Variants in TIMM17A observed in about 807,000 individuals in gnomAD.
TIMM17A encodes mitochondrial import inner membrane translocase subunit Tim17-A.
A neutral mutation model predicts 26.5 loss-of-function variants in TIMM17A; 15 were observed. The observed-to-expected ratio is 0.57, with a 90% CI of 0.38 to 0.87. The LOEUF (loss-of-function observed/expected upper bound fraction) is 0.87. TIMM17A is among the 40% of genes least tolerant of loss of function. TIMM17A has a pLI of 0.00. For synonymous variants in TIMM17A, 80 were observed against 70.8 expected (o/e 1.13, Z -0.66); for missense variants, 201 against 210.0 (o/e 0.96, Z 0.27).
Position 201,964,635 on chromosome 1 carries a change from C to CTTTTTT in TIMM17A, c.320-772_320-767dup, listed in dbSNP as rs570309464. On this transcript the variant is annotated intron_variant, in intron 4 of 5. Coordinates refer to ENST00000367287, the MANE Select transcript of TIMM17A (RefSeq NM_006335.3). ...TTTATTTATTTATTTTATTTTATTTCTTTTTTTTTTTTTTTTTTTTTTTTT... is the reference window on the plus strand; with the variant it reads ...TTTATTTATTTATTTTATTTTATTTCTTTTTTTTTTTTTTTTTTTTTTTTTTTTTTT... Among the ~76,000 whole-genome samples, 90 of 90,946 alleles carry CTTTTTT rather than the reference C, an allele frequency of 9.9e-4. 10 individuals are homozygous for CTTTTTT. The highest frequency in any genetic ancestry group is 2.1e-3 in the African/African-American group (41 of 19,458). The allele number at this position is 90,946 out of a possible 152,430, so 59.7% of individuals were successfully genotyped here.
chr1:201,964,642 T>A (rs1487202332), intron 4 of TIMM17A, among the ~76,000 whole-genome samples: 11 of 85,314 alleles, frequency 1.3e-4, no homozygotes, highest in Non-Finnish European at 1.7e-4. Context: ...TTTCTTTTTT[T>A]TTTTTTTTTT....
rs1438528847 is a variant in TIMM17A, at chr1:201,956,779, A to AAC, written c.27-501_27-500dup. Among the ~76,000 whole-genome samples, 16 of 152,172 alleles carry AAC rather than the reference A, an allele frequency of 1.1e-4. No individual in the cohort carries two copies. In the East Asian group the frequency reaches 3.1e-3, roughly 29 times the overall value. On this transcript the variant is annotated intron_variant, in intron 1 of 5. Transcript: ENST00000367287. ...AAGACCAGCCTGGCCAGTATGGTGA[A>AAC]ACCCCGTCTCTACTAAAAATACAAA... is the stretch of plus-strand genomic sequence containing the variant.
At chr1:201,961,066 CTT>C (rs71141429) in intron 3 of TIMM17A, among the ~76,000 whole-genome samples, 9 of 136,024 alleles carry the variant, frequency 6.6e-5, no homozygotes, top group African/African-American at 5.5e-5. Context: ...CTTATATTTT[CTT>C]TTTTTTTTTT....
intron 3 of TIMM17A, among the ~76,000 whole-genome samples, chr1:201,959,989 ACT>A: frequency 6.7e-6 from 1 of 148,398 alleles, no homozygotes; most frequent in South Asian, 2.2e-4. Flanking sequence ...TGACAGCGAG[ACT>A]CTGTCTCAAA....
chr1:201,966,269 CGA>C (rs1682624101), intron 5 of TIMM17A, among the ~76,000 whole-genome samples: 2 of 151,854 alleles, frequency 1.3e-5, no homozygotes, highest in Non-Finnish European at 2.9e-5. Context: ...TCAGGAGGCA[CGA>C]GAATCAGTTG....
Position 201,957,266 on chromosome 1 carries a change from TC to T in TIMM17A, c.27-10del. ...TGAATGAGAAATATGGTCTTTTTTT[TC>T]CCCCTGTTCTTAGCCCATGGCGAAT... On this transcript the variant is annotated splice_polypyrimidine_tract_variant and intron_variant, in intron 1 of 5. Transcript: ENST00000367287. 3.3e-6 allele frequency: 5 copies of T among 1,530,446 alleles called. No individual in the cohort carries two copies. The highest frequency in any genetic ancestry group is 1.4e-5 in the African/African-American group (1 of 72,630). The allele number at this position is 1,530,446 out of a possible 1,614,324, so 94.8% of individuals were successfully genotyped here.
intron 5 of TIMM17A, 23 bp downstream of exon 5, chr1:201,965,566 A>G (rs374534337): frequency 7.7e-6 from 11 of 1,421,522 alleles, no homozygotes; most frequent in East Asian, 4.5e-5. Context: ...GCTTAAAACT[A>G]TAGCTCAAAC....
intron 3 of TIMM17A, among the ~76,000 whole-genome samples, chr1:201,959,176 AGAAGCCTGT>A (rs1682477950): frequency 6.6e-6 from 1 of 152,198 alleles, no homozygotes; most frequent in Non-Finnish European, 1.5e-5. Flanking sequence ...CACTGCCAAA[AGAAGCCTGT>A]GAAGACATAG....
rs145328555 is a variant in TIMM17A, at chr1:201,957,025, T to C, written c.27-256T>C. Among the ~76,000 whole-genome samples, 546 of 152,302 alleles carry C rather than the reference T, an allele frequency of 3.6e-3. 5 individuals are homozygous for C. The highest frequency in any genetic ancestry group is 0.012 in the African/African-American group (509 of 41,568). On this transcript the variant is annotated intron_variant, in intron 1 of 5. Transcript: ENST00000367287. Reference sequence around the variant, plus strand: ...TTACTAAATCATTAGGTAGCCCCTTTGCTTTCTCTTAGTACGTATGCCCTG... The same window carrying C: ...TTACTAAATCATTAGGTAGCCCCTTCGCTTTCTCTTAGTACGTATGCCCTG...
At chr1:201,962,683 T>C (rs1244188812) in intron 3 of TIMM17A, 2 of 152,228 alleles carry the variant, frequency 1.3e-5, no homozygotes, top group Non-Finnish European at 2.9e-5. Context: ...AAGTGCAAAG[T>C]AATCTGCTGA....
chr1:201,966,993 G>GTATATTATATATGT (rs1682644280), intron 5 of TIMM17A, among the ~76,000 whole-genome samples: 2 of 29,906 alleles, frequency 6.7e-5, no homozygotes, highest in South Asian at 2.3e-3. Context: ...TATATATGTT[G>GTATATTATATATGT]TGTGTGTGTG....
At chr1:201,959,770 C>T (rs914027745) in intron 3 of TIMM17A, among the ~76,000 whole-genome samples, 12 of 150,976 alleles carry the variant, frequency 7.9e-5, no homozygotes, top group African/African-American at 2.9e-4. Flanking sequence ...GTGAGGAGAG[C>T]GAGACTACCC....
chr1:201,965,976 A>G (rs1489560424), intron 5 of TIMM17A, among the ~76,000 whole-genome samples: 2 of 152,210 alleles, frequency 1.3e-5, no homozygotes, highest in African/African-American at 2.4e-5. Flanking sequence ...ACATTAACAG[A>G]TAAATTAGCT....
At chr1:201,964,808 C>G (rs1473262165) in intron 4 of TIMM17A, among the ~76,000 whole-genome samples, 2 of 150,084 alleles carry the variant, frequency 1.3e-5, no homozygotes, top group Non-Finnish European at 3.0e-5. Context: ...GCCACCACGC[C>G]TGGCTAATTT....
chr1:201,962,287 A>G lies in TIMM17A; in HGVS notation c.191-1329A>G, dbSNP rs1322907100. Reference sequence around the variant, plus strand: ...TTTTACATAGGATGTGATGTCTAATATTGTACTAAAAATGAGGATGCTTAT... The same window carrying G: ...TTTTACATAGGATGTGATGTCTAATGTTGTACTAAAAATGAGGATGCTTAT... On this transcript the variant is annotated intron_variant, in intron 3 of 5. Coordinates refer to ENST00000367287, the MANE Select transcript of TIMM17A (RefSeq NM_006335.3). 3.3e-5 allele frequency: 5 copies of G among 152,198 alleles called. No individual in the cohort carries two copies. The East Asian group carries it at 9.6e-4, about 29-fold the overall frequency. 9.4% of individuals were successfully genotyped at this position (152,198 alleles called of 1,614,324 possible). A position where few individuals can be genotyped will look rare whatever the true frequency, so the allele number is the denominator to read the frequency against.
intron 3 of TIMM17A, chr1:201,957,892 C>T (rs1571602842): frequency 4.5e-6 from 1 of 222,148 alleles, no homozygotes; most frequent in East Asian, 1.3e-4. Context: ...AATCCCAGCA[C>T]TTTGGGAGGC....
In TIMM17A at chr1:201,969,497, G is replaced by C; in HGVS notation, c.459G>C (p.Gln153His). The C allele has an allele frequency of 1.2e-6, 2 of 1,613,854 alleles. No individual in the cohort carries two copies. Among genetic ancestry groups the C allele is most frequent in the Non-Finnish European group, 1.7e-6 (2 of 1,179,914 alleles). Residue 153 changes from glutamine (Q) to histidine (H), a missense_variant, in exon 6 of 6, where the codon CAG (glutamine) becomes CAC (histidine). Gln to His is a conservative substitution (Grantham distance 24). Coordinates refer to ENST00000367287, the MANE Select transcript of TIMM17A (RefSeq NM_006335.3). ...CTCAGTTTGCAGAAGACCCCTCCCA[G>C]TTGCCTTCAACTCAGTTACCTTCCT... ...NGPQFAEDPS[Q>H]LPSTQLPSSP... is the part of the protein sequence containing the mutation.
chr1:201,961,956 A>G (rs573238551), intron 3 of TIMM17A, among the ~76,000 whole-genome samples: 5 of 151,854 alleles, frequency 3.3e-5, no homozygotes, highest in African/African-American at 1.2e-4. Context: ...CTTAGGCTCT[A>G]AAACCTTGTT....
intron 5 of TIMM17A, among the ~76,000 whole-genome samples, chr1:201,966,920 GTATGT>G (rs1202056843): frequency 6.9e-5 from 10 of 145,398 alleles, no homozygotes; most frequent in South Asian, 6.4e-4. Context: ...TATATAATAT[GTATGT>G]TATATGTTGT....
Sources: allele counts gnomAD v4.1 joint callset (sites outside exome capture counted in the v4.1 genomes callset), GRCh38; gene constraint gnomAD v4.1.1; transcripts MANE v1.5; gene names NCBI Gene and HGNC (gene_info 2026-07-23, HGNC 2026-07-21).